The following CENPE variants were observed in gnomAD, a reference collection of about 807,000 sequenced individuals.
The protein encoded by CENPE is centromere protein E, also known as centromere-associated protein E.
Under a neutral mutation model 336.1 loss-of-function variants are expected in CENPE, and 145 were observed. That is an observed-to-expected ratio of 0.43 (90% CI 0.38 to 0.50). CENPE has a LOEUF of 0.50. CENPE is among the 20% of genes least tolerant of loss of function. The pLI is 0.00. For synonymous variants in CENPE, 1,013 were observed against 984.8 expected, an observed-to-expected ratio of 1.03 and a Z score of -0.54; for missense variants, 2,719 against 3,023.3, an observed-to-expected ratio of 0.90 and a Z score of 2.36.
In CENPE at chr4:103,196,845, T is replaced by G. The variant is rs768480235; in HGVS notation, c.62A>C (p.Glu21Ala). The G allele has an allele frequency of 2.0e-6, 3 of 1,529,522 alleles. No homozygotes were observed. The Admixed American group carries it at 5.1e-5, about 26-fold the overall frequency. The allele number at this position is 1,529,522 out of a possible 1,614,324, so 94.7% of individuals were successfully genotyped here. A position where few individuals can be genotyped will look rare whatever the true frequency, so the allele number is the denominator to read the frequency against. Residue 21 changes from glutamate (E) to alanine (A), a missense_variant, in exon 2 of 49, where the codon GAA becomes GCA. Glu to Ala is a moderately radical substitution (Grantham distance 107). Coordinates refer to ENST00000265148, the MANE Select transcript of CENPE (RefSeq NM_001813.3). ...VRVRPLNSRE[E>A]SLGETAQVYW... is the part of the protein sequence containing the mutation. Reference sequence around the variant, plus strand: ...AACTTGGGCAGTTTCTCCAAGTGATTCTTCTCTAAAAGAATAAAAACACCG... The same window carrying G: ...AACTTGGGCAGTTTCTCCAAGTGATGCTTCTCTAAAAGAATAAAAACACCG...
chr4:103,115,323 G>A (rs1199965603), intron 45 of CENPE, among the ~76,000 whole-genome samples: 1 of 151,930 alleles, frequency 6.6e-6, no homozygotes, highest in African/African-American at 2.4e-5. Context: ...TAGTAGAGAC[G>A]GGGTTTCACC....
Position 103,107,941 on chromosome 4 carries a change from T to C in CENPE, c.8011+862A>G, listed in dbSNP as rs77626963. Among the ~76,000 whole-genome samples, 817 of 152,322 alleles carry C rather than the reference T, an allele frequency of 5.4e-3. 5 individuals carry two copies. Among genetic ancestry groups the C allele is most frequent in the Non-Finnish European group, 8.8e-3 (600 of 68,030 alleles). On this transcript the variant is annotated intron_variant, in intron 48 of 48. Transcript: ENST00000265148. The stretch of plus-strand genomic sequence containing the variant: ...CAATAAATGAAACAATTCCTTTATA[T>C]AATTTATAAAAGTCCAGCATTTCTG...
intron 40 of CENPE, among the ~76,000 whole-genome samples, chr4:103,134,301 G>A (rs1189260905): frequency 6.6e-6 from 1 of 151,986 alleles, no homozygotes; most frequent in Non-Finnish European, 1.5e-5. Flanking sequence ...TCCTGCCAAC[G>A]CTGATTGGGT....
chr4:103,112,610 CTG>C (rs1477632127), intron 46 of CENPE, among the ~76,000 whole-genome samples: 1 of 126,568 alleles, frequency 7.9e-6, no homozygotes, highest in Non-Finnish European at 1.5e-5. Flanking sequence ...ATATATAAGT[CTG>C]TATATATACT....
chr4:103,179,019 A>T (rs189812275), intron 13 of CENPE, among the ~76,000 whole-genome samples: 5 of 152,226 alleles, frequency 3.3e-5, no homozygotes, highest in Admixed American at 3.3e-4. Flanking sequence ...AATCCCAAAT[A>T]AAACACCCAC....
intron 16 of CENPE, among the ~76,000 whole-genome samples, chr4:103,170,950 T>C (rs1284279867): frequency 1.3e-5 from 2 of 152,120 alleles, no homozygotes; most frequent in Admixed American, 1.3e-4. Context: ...GGTCATTACA[T>C]AATGATAAAG....
At chr4:103,163,742 G>A (rs533325284) in intron 16 of CENPE, among the ~76,000 whole-genome samples, 189 bp from the exon 17 acceptor site, 1 of 150,252 alleles carries the variant, frequency 6.7e-6, no homozygotes, top group Non-Finnish European at 1.5e-5. Flanking sequence ...AAAAATACTA[G>A]AAATATCACC....
chr4:103,160,792 G>A lies in CENPE; in HGVS notation c.2132-13C>T. The stretch of plus-strand genomic sequence containing the variant: ...TTACAGAGCAAATCTAGAAAGTTTT[G>A]GTAAATTGTATAAAGATCCAATGTT... On this transcript the variant is annotated splice_polypyrimidine_tract_variant and intron_variant, in intron 20 of 48. Coordinates refer to ENST00000265148, the MANE Select transcript of CENPE (RefSeq NM_001813.3). 1 of 1,570,776 alleles carries A rather than the reference G, an allele frequency of 6.4e-7. No individual in the cohort carries two copies. The highest frequency in any genetic ancestry group is 8.6e-7 in the Non-Finnish European group (1 of 1,160,598).
chr4:103,149,027 G>T (rs981016649), intron 27 of CENPE, 28 bp from the exon 28 acceptor site: 10 of 1,600,710 alleles, frequency 6.2e-6, no homozygotes, highest in Non-Finnish European at 8.5e-6. Flanking sequence ...AAAGAATATT[G>T]TAATATTCTT....
chr4:103,133,395 T>C (rs529192189), intron 41 of CENPE, among the ~76,000 whole-genome samples: 11 of 152,258 alleles, frequency 7.2e-5, no homozygotes, highest in Admixed American at 4.6e-4. Flanking sequence ...AGACCTTACA[T>C]ACATGTTGGG....
rs181215797 is a variant in CENPE, at chr4:103,131,111, T to G, written c.6924+1582A>C. On this transcript the variant is annotated intron_variant, in intron 42 of 48. Coordinates refer to ENST00000265148, the MANE Select transcript of CENPE (RefSeq NM_001813.3). ...GATAAGCTAGACTTTTTTTTAACAT[T>G]AAAAATCTGCACTCTGAAACACAAT... is the stretch of plus-strand genomic sequence containing the variant. 4.0e-4 allele frequency among the ~76,000 whole-genome samples: 61 copies of G among 152,116 alleles called. No homozygotes were observed. The East Asian group carries it at 7.3e-3, about 18-fold the overall frequency.
intron 36 of CENPE, 57 bp downstream of exon 36, chr4:103,140,755 CTG>C: frequency 1.4e-6 from 2 of 1,417,430 alleles, no homozygotes; most frequent in South Asian, 1.4e-5. Flanking sequence ...GCAGTGAACA[CTG>C]TATTTTTGCC....
intron 24 of CENPE, among the ~76,000 whole-genome samples, chr4:103,154,394 T>C (rs1578622006): frequency 1.3e-5 from 2 of 152,298 alleles, no homozygotes; most frequent in South Asian, 4.1e-4. Context: ...TATTTTCACA[T>C]GTTGTTATGT....
chr4:103,140,843 T>C lies in CENPE; in HGVS notation c.5725A>G (p.Lys1909Glu). ...ETLKLERDQLKESLQETKARD... is the reference protein window; with the variant it reads ...ETLKLERDQLEESLQETKARD... ...GCTTTGGTTTCTTGCAGGCTTTCCTTGAGTTGGTCTCTCTCCAGTTTGAGT... is the reference window on the plus strand; with the variant it reads ...GCTTTGGTTTCTTGCAGGCTTTCCTCGAGTTGGTCTCTCTCCAGTTTGAGT... Residue 1909 changes from lysine to glutamate, a missense_variant, in exon 36 of 49, where the codon AAG becomes GAG. Coordinates refer to ENST00000265148, the MANE Select transcript of CENPE (RefSeq NM_001813.3). 6.3e-7 allele frequency: 1 copy of C among 1,594,264 alleles called. No individual in the cohort carries two copies.
chr4:103,194,003 T>G (rs1259675167), intron 8 of CENPE, among the ~76,000 whole-genome samples: 1 of 152,008 alleles, frequency 6.6e-6, no homozygotes, highest in Non-Finnish European at 1.5e-5. Context: ...ACATTTAAAT[T>G]TTAGGAGATG....
At chr4:103,157,077 A>C (rs896077912) in intron 24 of CENPE, among the ~76,000 whole-genome samples, 3 of 151,526 alleles carry the variant, frequency 2.0e-5, no homozygotes, top group African/African-American at 4.8e-5. Context: ...AAAAAAAAAA[A>C]AAACAGAAAA....
intron 45 of CENPE, chr4:103,116,333 A>C (rs1157185222): frequency 8.8e-6 from 2 of 228,438 alleles, no homozygotes; most frequent in Non-Finnish European, 1.7e-5. Context: ...TATATTCTGT[A>C]TGACTAAGAA....
chr4:103,140,414 C>G lies in CENPE; in HGVS notation c.5755G>C (p.Asp1919His). 1.9e-6 allele frequency: 3 copies of G among 1,572,058 alleles called. No individual in the cohort carries two copies. Among genetic ancestry groups the G allele is most frequent in the Non-Finnish European group, 2.6e-6 (3 of 1,160,986 alleles). The part of the protein sequence containing the change: ...KESLQETKAR[D>H]LEIQQELKTA... ...TTTAGTTCCTGTTGTATTTCCAGAT[C>G]CTTTATGGTTAGAAGAAATCAAGAA... Residue 1919 changes from aspartate to histidine, a missense_variant and splice_region_variant, in exon 37 of 49, where the codon GAT becomes CAT. By Grantham distance (81) the Asp-to-His change is moderately conservative. Transcript: ENST00000265148.
rs775942150 is a variant in CENPE, at chr4:103,158,367, T to C, written c.2966A>G (p.Glu989Gly). The C allele has an allele frequency of 1.2e-6, 2 of 1,609,936 alleles. No individual in the cohort carries two copies. The highest frequency in any genetic ancestry group is 8.5e-7 in the Non-Finnish European group (1 of 1,178,096). The change falls in exon 24 of 49, where the codon GAG (glutamate) becomes GGG (glycine). Residue 989 changes from glutamate to glycine, a missense_variant. Around this residue, in one of 5 missense-constraint regions of CENPE, gnomAD observed 2,437 missense variants for 2,513.3 expected, o/e 0.97. Transcript: ENST00000265148. ...CATATGCAAATTCCTGGAAACTTCC[T>C]CAGAAATTTTCGATTTTAGTGTATT... ...TINTLKSKIS[E>G]EVSRNLHMEE...
Sources: gnomAD v4.1 joint callset for allele counts (sites outside exome capture counted in the v4.1 genomes callset) on GRCh38, gnomAD v4.1.1 for gene constraint, gnomAD v4.1.1 regional missense constraint, MANE v1.5 for transcripts, NCBI Gene and HGNC (gene_info 2026-07-23, HGNC 2026-07-21) for gene names.